LRPPRC: variants seen among roughly 807,000 people sequenced by gnomAD.
The protein encoded by LRPPRC is leucine-rich PPR motif-containing protein, mitochondrial.
LRPPRC carries 120 observed loss-of-function variants against 180.3 expected under a neutral mutation model. The ratio of observed to expected loss-of-function variants is 0.67; its 90% confidence interval spans 0.57 to 0.77. The LOEUF (loss-of-function observed/expected upper bound fraction) is 0.77. LRPPRC is among the 30% of genes least tolerant of loss of function. The probability of loss-of-function intolerance (pLI) is 0.00; values close to 1 mark genes in which losing one functional copy is unlikely to be tolerated. For synonymous variants in LRPPRC, 723 were observed against 600.0 expected (o/e 1.21, Z -3.00); for missense variants, 2,012 against 1,657.2 (o/e 1.21, Z -3.72).
rs982974917 is a variant in LRPPRC at position 43,982,344 on chromosome 2, G to A, written c.240C>T (p.Ser80=). 1 of 1,613,398 alleles carries A rather than the reference G, an allele frequency of 6.2e-7. No individual in the cohort carries two copies. Among genetic ancestry groups the A allele is most frequent in the Non-Finnish European group, 8.5e-7 (1 of 1,179,404 alleles). The change falls in exon 2 of 38, where the codon TCC becomes TCT. Residue 80 remains serine, a synonymous_variant. Transcript: ENST00000260665. ...EESTFSSRKI[S]NQFDWALMRL... ...TCATTAGAGCCCAATCAAACTGATT[G>A]GAAATCTTCCTAGAAGAAAAAGTGG...
chr2:43,891,397 C>G (rs572517570), intron 36 of LRPPRC, among the ~76,000 whole-genome samples: 1 of 152,296 alleles, frequency 6.6e-6, no homozygotes, highest in East Asian at 1.9e-4. Context: ...GTAACCCTGC[C>G]TTGGGCAAGT....
intron 23 of LRPPRC, among the ~76,000 whole-genome samples, chr2:43,940,764 A>C (rs551248056): frequency 1.3e-5 from 2 of 152,272 alleles, no homozygotes; most frequent in South Asian, 4.1e-4. Context: ...TATTAATTTC[A>C]TTTCCTTGAC....
At chr2:43,953,853 AG>A (rs1332902613) in intron 14 of LRPPRC, among the ~76,000 whole-genome samples, 1 of 152,196 alleles carries the variant, frequency 6.6e-6, no homozygotes, top group African/African-American at 2.4e-5. Context: ...CCACTACAAT[AG>A]TATCAAAACT....
At chr2:43,983,470 TA>T (rs1674399261) in intron 1 of LRPPRC, among the ~76,000 whole-genome samples, 1 of 152,136 alleles carries the variant, frequency 6.6e-6, no homozygotes, top group African/African-American at 2.4e-5. Context: ...AAATATCAGA[TA>T]AAAAATAATT....
chr2:43,937,104 T>G (rs774833078), intron 23 of LRPPRC, among the ~76,000 whole-genome samples: 2 of 152,118 alleles, frequency 1.3e-5, no homozygotes, highest in African/African-American at 4.8e-5. Flanking sequence ...GTCAAAGCTA[T>G]CAATAAATGA....
intron 30 of LRPPRC, among the ~76,000 whole-genome samples, chr2:43,907,997 G>A (rs1671121272): frequency 6.6e-6 from 1 of 152,166 alleles, no homozygotes; most frequent in African/African-American, 2.4e-5. Flanking sequence ...AGCAATGACT[G>A]TGCTTACATA....
intron 30 of LRPPRC, among the ~76,000 whole-genome samples, chr2:43,911,407 G>C (rs1369690716): frequency 6.6e-6 from 1 of 151,728 alleles, no homozygotes; most frequent in Non-Finnish European, 1.5e-5. Flanking sequence ...AGGTTTTCTT[G>C]TGATGTGAAA....
intron 27 of LRPPRC, 64 bp downstream of exon 27, chr2:43,925,003 C>T (rs1671826285): frequency 5.1e-6 from 5 of 971,900 alleles, no homozygotes; most frequent in African/African-American, 1.6e-5. Flanking sequence ...AAACCAAATA[C>T]TCCTTTCCTG....
chr2:43,941,641 A>C (rs1672484596), intron 23 of LRPPRC, among the ~76,000 whole-genome samples: 1 of 151,798 alleles, frequency 6.6e-6, no homozygotes, highest in Non-Finnish European at 1.5e-5. Flanking sequence ...ATTGAGAAAG[A>C]GTTTCAAAGT....
intron 31 of LRPPRC, chr2:43,903,499 G>A (rs1345178402): frequency 6.8e-6 from 1 of 148,080 alleles, no homozygotes; most frequent in Admixed American, 7.0e-5. Context: ...GATGGGAATA[G>A]TGCAAACACT....
intron 14 of LRPPRC, among the ~76,000 whole-genome samples, chr2:43,951,968 T>C (rs1364766158): frequency 6.6e-6 from 1 of 152,000 alleles, no homozygotes; most frequent in African/African-American, 2.4e-5. Context: ...CTGAGGTGGG[T>C]AGATCACCTG....
At chr2:43,890,312 TACATCA>T (rs1394284210) in intron 36 of LRPPRC, 4 of 467,172 alleles carry the variant, frequency 8.6e-6, no homozygotes, top group Non-Finnish European at 1.3e-5. Flanking sequence ...TGTAGAAATC[TACATCA>T]ACATCAAGAT....
rs766184174 is a variant in LRPPRC, at chr2:43,960,611, A to C, written c.1512T>G (p.Ser504Arg). 2 of 1,595,900 alleles carry C rather than the reference A, an allele frequency of 1.3e-6. No individual in the cohort carries two copies. Among genetic ancestry groups the C allele is most frequent in the Non-Finnish European group, 1.7e-6 (2 of 1,164,976 alleles). The stretch of plus-strand genomic sequence containing the variant: ...TCAATCCAGCTTGAGAAAACATATC[A>C]CTATCAGACAGACATCCATTTTCCT... ...ILQENGCLSD[S>R]DMFSQAGLRS... is the part of the protein sequence containing the mutation. Residue 504 changes from serine to arginine, a missense_variant, in exon 13 of 38, where the codon AGT (serine) becomes AGG (arginine). Coordinates refer to ENST00000260665, the MANE Select transcript of LRPPRC (RefSeq NM_133259.4).
rs781702242 is a variant in LRPPRC at position 43,888,620 on chromosome 2, A to G, written c.4165T>C (p.Leu1389=). The G allele has an allele frequency of 1.9e-6, 3 of 1,603,480 alleles. No individual in the cohort carries two copies. The highest frequency in any genetic ancestry group is 1.7e-6 in the Non-Finnish European group (2 of 1,170,468). Reference sequence around the variant, plus strand: ...TTATTTCAAGAAGAGTTTTCCCTCAATTTTCTTAGCTGCTGTGCATAAAAT... The same window carrying G: ...TTATTTCAAGAAGAGTTTTCCCTCAGTTTTCTTAGCTGCTGTGCATAAAAT... ...FEFYAQQLRK[L]RENSS is the part of the protein sequence containing the mutation. Residue 1389 remains leucine (L), a synonymous_variant, in exon 38 of 38, where the codon TTG becomes CTG. Transcript: ENST00000260665.
chr2:43,901,675 T>C (rs1670891837), intron 31 of LRPPRC, 151 bp from the exon 32 acceptor site: 1 of 640,490 alleles, frequency 1.6e-6, no homozygotes, highest in Non-Finnish European at 2.8e-6. Flanking sequence ...TTATTAATAC[T>C]TCATGAGATA....
chr2:43,947,883 T>C, intron 18 of LRPPRC, 108 bp from the exon 19 acceptor site: 1 of 770,518 alleles, frequency 1.3e-6, no homozygotes. Flanking sequence ...CTACTTTTCA[T>C]CTTTCCAAAA....
chr2:43,976,023 T>A (rs1019877977), intron 6 of LRPPRC, 120 bp downstream of exon 6: 4 of 650,364 alleles, frequency 6.2e-6, no homozygotes, highest in Non-Finnish European at 1.1e-5. Flanking sequence ...TTTTAAGAAC[T>A]GTCTACAATA....
intron 14 of LRPPRC, among the ~76,000 whole-genome samples, chr2:43,956,074 A>G (rs904292609): frequency 6.7e-6 from 1 of 149,770 alleles, no homozygotes; most frequent in Non-Finnish European, 1.5e-5. Flanking sequence ...CATCATGGGA[A>G]AAAAAAAAAA....
chr2:43,918,066 T>G lies in LRPPRC; in HGVS notation c.3107A>C (p.Gln1036Pro). 1 of 1,613,768 alleles carries G rather than the reference T, an allele frequency of 6.2e-7. No individual in the cohort carries two copies. Among genetic ancestry groups the G allele is most frequent in the Non-Finnish European group, 8.5e-7 (1 of 1,179,924 alleles). ...TCGGCAGGCAATCAATATATCTTTC[T>G]GGAAATCAGGTTCTGTGGTTGAGGC... is the stretch of plus-strand genomic sequence containing the variant. ...SSASTTEPDF[Q>P]KDILIACRLN... is the part of the protein sequence containing the mutation. The change falls in exon 29 of 38, where the codon CAG becomes CCG. Residue 1036 changes from glutamine (Q) to proline (P), a missense_variant. Coordinates refer to ENST00000260665, the MANE Select transcript of LRPPRC (RefSeq NM_133259.4).
Sources: gnomAD v4.1 joint callset for allele counts (sites outside exome capture counted in the v4.1 genomes callset) on GRCh38, gnomAD v4.1.1 for gene constraint, MANE v1.5 for transcripts, NCBI Gene and HGNC (gene_info 2026-07-23, HGNC 2026-07-21) for gene names.